Variants in PARP4 observed in about 807,000 individuals in gnomAD.
PARP4 encodes the protein protein mono-ADP-ribosyltransferase PARP4.
In PARP4, 120 loss-of-function variants were observed where a neutral mutation model predicts 187.7. The ratio of observed to expected loss-of-function variants is 0.64; its 90% CI spans 0.55 to 0.74. The LOEUF is 0.74. Among genes scored for constraint, PARP4 ranks in the 30% least tolerant of loss-of-function variants. PARP4 has a pLI of 0.00. For missense variants in PARP4, 1,836 were observed against 2,070.5 expected (o/e 0.89, Z 2.20); for synonymous variants, 654 against 740.9 (o/e 0.88, Z 1.90).
chr13:24,480,283 T>C (rs889263467), intron 12 of PARP4, among the ~76,000 whole-genome samples: 3 of 152,238 alleles, frequency 2.0e-5, no homozygotes, highest in African/African-American at 4.8e-5. Flanking sequence ...CACTGACCAG[T>C]GGTTCCCTCA....
intron 21 of PARP4, among the ~76,000 whole-genome samples, chr13:24,455,746 A>G (rs970138929): frequency 8.0e-5 from 12 of 149,972 alleles, no homozygotes; most frequent in African/African-American, 2.9e-4. Flanking sequence ...GCCTCCTGAG[A>G]AGCTGAAACC....
In PARP4 at chr13:24,435,132, C is replaced by T. The variant is rs1252255929; in HGVS notation, c.4009G>A (p.Ala1337Thr). Residue 1337 changes from alanine (A) to threonine (T), a missense_variant, in exon 31 of 34, where the codon GCT becomes ACT. Physicochemically the swap from Ala to Thr is moderately conservative, Grantham distance 58 (BLOSUM62 0). Around this residue, in one of 8 missense-constraint regions of PARP4, gnomAD observed 450 missense variants for 439.2 expected, o/e 1.02. Coordinates refer to ENST00000381989, the MANE Select transcript of PARP4 (RefSeq NM_006437.4). ...LPPTARAHSP[A>T]SLSFASYRQV... is the part of the protein sequence containing the mutation. ...CGATATGAGGCAAAAGACAAGGAAGCAGGACTGTGAGCGCGGGCAGTCGGG... is the reference window on the plus strand; with the variant it reads ...CGATATGAGGCAAAAGACAAGGAAGTAGGACTGTGAGCGCGGGCAGTCGGG... 2 of 1,614,144 alleles carry T rather than the reference C, an allele frequency of 1.2e-6. No individual in the cohort carries two copies. Among genetic ancestry groups the T allele is most frequent in the East Asian group, 2.2e-5 (1 of 44,878 alleles).
At chr13:24,423,514 G>C (rs962828224) in intron 33 of PARP4, among the ~76,000 whole-genome samples, 1 of 148,654 alleles carries the variant, frequency 6.7e-6, no homozygotes, top group Admixed American at 6.7e-5. Context: ...CTGGGTGACA[G>C]AACGAGATCT....
intron 10 of PARP4, among the ~76,000 whole-genome samples, chr13:24,487,254 GT>G (rs1873612925): frequency 1.7e-5 from 2 of 115,362 alleles, no homozygotes; most frequent in Non-Finnish European, 3.9e-5. Context: ...GCAAGGCTCC[GT>G]CAAAAAAAAA....
intron 32 of PARP4, among the ~76,000 whole-genome samples, chr13:24,427,295 T>C (rs1332030209): frequency 5.3e-5 from 8 of 151,946 alleles, no homozygotes; most frequent in Non-Finnish European, 8.8e-5. Flanking sequence ...TTATGAAATA[T>C]CAAAATTGAA....
At chr13:24,424,962 C>T (rs537512015) in intron 33 of PARP4, among the ~76,000 whole-genome samples, 13 of 151,574 alleles carry the variant, frequency 8.6e-5, no homozygotes, top group Admixed American at 8.5e-4. Flanking sequence ...GGATTACAGG[C>T]GTGAGCCACC....
chr13:24,482,419 C>A (rs755665576), intron 12 of PARP4, among the ~76,000 whole-genome samples: 7 of 152,188 alleles, frequency 4.6e-5, no homozygotes, highest in Admixed American at 3.3e-4. Flanking sequence ...TCTCATACTA[C>A]AGATAAATCT....
intron 31 of PARP4, among the ~76,000 whole-genome samples, chr13:24,431,943 G>A (rs1417885397): frequency 5.3e-5 from 8 of 152,144 alleles, no homozygotes; most frequent in Admixed American, 2.6e-4. Flanking sequence ...CAGCCAGAAT[G>A]GTCTCAATCT....
chr13:24,493,132 T>G (rs1272538887), intron 8 of PARP4, among the ~76,000 whole-genome samples: 1 of 152,228 alleles, frequency 6.6e-6, no homozygotes, highest in Non-Finnish European at 1.5e-5. Context: ...TTTTGTCTGC[T>G]CTTTTCATTG....
At chr13:24,437,762 C>T (rs1023693504) in intron 30 of PARP4, among the ~76,000 whole-genome samples, 3 of 150,794 alleles carry the variant, frequency 2.0e-5, no homozygotes, top group Non-Finnish European at 4.4e-5. Context: ...TCGCTGGAGG[C>T]CAGGAGTTCA....
intron 25 of PARP4, among the ~76,000 whole-genome samples, chr13:24,449,117 G>A (rs535355442): frequency 7.9e-5 from 12 of 152,236 alleles, no homozygotes; most frequent in East Asian, 5.8e-4. Context: ...GGCCAGGCGC[G>A]GTGGCTCACG....
intron 11 of PARP4, among the ~76,000 whole-genome samples, chr13:24,485,010 C>T (rs1032457198): frequency 6.2e-4 from 95 of 152,246 alleles, no homozygotes; most frequent in Admixed American, 1.1e-3. Context: ...AAAGCTCATC[C>T]CTACTTAAAG....
rs9318558 is a variant in PARP4, at chr13:24,447,062, A to C, written c.3239T>G (p.Leu1080Arg). ...TCCATAGACAAGGAGTCGATCATTG[A>C]GAAACAAGGACGGCACCTGGGCTGG... ...QAPAQVPSLF[L>R]NDRLLVYGFI... The change falls in exon 26 of 34, where the codon CTC (leucine) becomes CGC (arginine). Residue 1080 changes from leucine (L) to arginine (R), a missense_variant. Around this residue, in one of 8 missense-constraint regions of PARP4, gnomAD observed 56 missense variants for 103.7 expected, o/e 0.54. Coordinates refer to ENST00000381989, the MANE Select transcript of PARP4 (RefSeq NM_006437.4). The C allele has an allele frequency of 0.96, 1,526,605 of 1,596,740 alleles. 730,308 individuals carry two copies. Among genetic ancestry groups the C allele is most frequent in the East Asian group, 0.99 (44,147 of 44,700 alleles).
intron 30 of PARP4, 68 bp from the exon 31 acceptor site, chr13:24,435,542 T>C (rs1401874766): frequency 6.1e-6 from 9 of 1,480,428 alleles, no homozygotes; most frequent in Middle Eastern, 2.6e-4. Context: ...CAAGCAAACA[T>C]TCTTCCTAGC....
At chr13:24,478,523 A>G (rs1873106486) in intron 12 of PARP4, among the ~76,000 whole-genome samples, 1 of 151,922 alleles carries the variant, frequency 6.6e-6, no homozygotes, top group South Asian at 2.1e-4. Context: ...GCAGTCTCCA[A>G]CTCCTGGGCT....
intron 17 of PARP4, among the ~76,000 whole-genome samples, chr13:24,463,122 G>A (rs573618140): frequency 1.3e-5 from 2 of 152,104 alleles, no homozygotes; most frequent in Admixed American, 1.3e-4. Context: ...AGAGAATCTT[G>A]AAGATAGCTT....
chr13:24,506,145 T>C (rs1427321056), intron 1 of PARP4, among the ~76,000 whole-genome samples: 1 of 152,098 alleles, frequency 6.6e-6, no homozygotes, highest in African/African-American at 2.4e-5. Flanking sequence ...GTCCGAAGTT[T>C]GTTCCTTCCT....
intron 27 of PARP4, among the ~76,000 whole-genome samples, chr13:24,444,929 A>G (rs9581040): frequency 0.012 from 1,777 of 152,358 alleles, 34 homozygotes; most frequent in African/African-American, 0.04. Context: ...GATACTTTAA[A>G]GGGATGATAG....
intron 33 of PARP4, among the ~76,000 whole-genome samples, chr13:24,423,119 G>A (rs6490917): frequency 8.5e-5 from 13 of 152,144 alleles, no homozygotes; most frequent in Middle Eastern, 3.4e-3. Context: ...GAATAAATGC[G>A]TCTTTGGATG....
Sources: allele counts gnomAD v4.1 joint callset (sites outside exome capture counted in the v4.1 genomes callset), GRCh38; gene constraint gnomAD v4.1.1; regional missense constraint gnomAD v4.1.1; transcripts MANE v1.5; gene names NCBI Gene and HGNC (gene_info 2026-07-23, HGNC 2026-07-21).